MIER1: variants seen among roughly 807,000 people sequenced by gnomAD.
The protein encoded by MIER1 is MIER1 transcriptional regulator.
In MIER1, 40 loss-of-function variants were observed where a neutral mutation model predicts 75.7. That is an observed-to-expected ratio of 0.53 (90% CI 0.41 to 0.69). The LOEUF (loss-of-function observed/expected upper bound fraction) is 0.69. Ranked by LOEUF, MIER1 falls within the 30% of genes least tolerant of loss-of-function variation. MIER1 has a pLI of 0.00. For synonymous variants in MIER1, 213 were observed against 223.4 expected (o/e 0.95, Z 0.42); for missense variants, 574 against 680.2 (o/e 0.84, Z 1.74).
At chr1:66,930,988 C>G (rs1195615894) in intron 2 of MIER1, among the ~76,000 whole-genome samples, 2 of 152,188 alleles carry the variant, frequency 1.3e-5, no homozygotes, top group Non-Finnish European at 2.9e-5. Flanking sequence ...ACAGTTCCAT[C>G]TCCCGCTCCC....
chr1:66,954,940 C>G (rs543839337), intron 4 of MIER1, among the ~76,000 whole-genome samples: 2 of 152,234 alleles, frequency 1.3e-5, no homozygotes, highest in African/African-American at 4.8e-5. Context: ...AACTCCTGAC[C>G]TCAAGTGTTC....
At chr1:66,974,618 G>A (rs1664334922) in intron 11 of MIER1, among the ~76,000 whole-genome samples, 2 of 152,016 alleles carry the variant, frequency 1.3e-5, no homozygotes, top group Non-Finnish European at 2.9e-5. Flanking sequence ...TTGAAACTTA[G>A]AGCCAAGTAA....
intron 2 of MIER1, among the ~76,000 whole-genome samples, chr1:66,934,718 A>G (rs761450985): frequency 5.9e-5 from 9 of 151,842 alleles, no homozygotes; most frequent in Non-Finnish European, 1.0e-4. Flanking sequence ...ATATCATTTT[A>G]CTTCTGAATT....
In MIER1 at chr1:66,984,752, A is replaced by T. The variant is rs767585043; in HGVS notation, c.1550A>T (p.Asn517Ile). 5 of 1,613,962 alleles carry T rather than the reference A, an allele frequency of 3.1e-6. No individual in the cohort carries two copies. The African/African-American group carries it at 6.7e-5, about 22-fold the overall frequency. ...AAACTTGCCCATATGACTGCAAGAA[A>T]TGAAAATGATTTTGATGAAAAAAGT... ...DPKLAHMTAR[N>I]ENDFDEKSER... The change falls in exon 14 of 14, where the codon AAT (asparagine) becomes ATT (isoleucine). Residue 517 changes from asparagine (N) to isoleucine (I), a missense_variant. By Grantham distance (149) the Asn-to-Ile change is moderately radical (BLOSUM62 -3). This residue lies in a region of MIER1 where 164 missense variants were observed against 154.3 expected (regional missense o/e 1.06). Coordinates refer to ENST00000401041, the MANE Select transcript of MIER1 (RefSeq NM_001077700.3).
At chr1:66,948,864 T>C (rs898580681) in intron 4 of MIER1, among the ~76,000 whole-genome samples, 2 of 152,116 alleles carry the variant, frequency 1.3e-5, no homozygotes, top group South Asian at 4.1e-4. Flanking sequence ...GCACTGCTGC[T>C]CTCCAGCCTG....
chr1:66,955,336 G>GTTTTTTTTTTT (rs34006160), intron 4 of MIER1, among the ~76,000 whole-genome samples: 2 of 59,964 alleles, frequency 3.3e-5, no homozygotes, highest in African/African-American at 1.4e-4. Flanking sequence ...CATCACCTGA[G>GTTTTTTTTTTT]TTTTTTTTTT....
At chr1:66,928,744 A>C (rs758116524) in intron 2 of MIER1, 70 of 545,126 alleles carry the variant, frequency 1.3e-4, no homozygotes, top group Middle Eastern at 9.6e-4. Flanking sequence ...TATTCCCCCA[A>C]GGAATCCTGA....
chr1:66,944,134 T>G (rs968460039), intron 3 of MIER1, among the ~76,000 whole-genome samples: 1 of 151,594 alleles, frequency 6.6e-6, no homozygotes, highest in Non-Finnish European at 1.5e-5. Flanking sequence ...TTTTGAAAAT[T>G]ATTGTGAGTA....
Position 66,926,196 on chromosome 1 carries a change from G to C in MIER1, c.122G>C (p.Arg41Thr), listed in dbSNP as rs953262304. The C allele has an allele frequency of 1.9e-6, 3 of 1,613,930 alleles. No individual in the cohort carries two copies. The Admixed American group carries it at 5.0e-5, about 27-fold the overall frequency. Residue 41 changes from arginine to threonine, a missense_variant, in exon 2 of 14, where the codon AGA (arginine) becomes ACA (threonine). Around this residue, in one of 3 missense-constraint regions of MIER1, gnomAD observed 309 missense variants for 352.8 expected, o/e 0.88. Coordinates refer to ENST00000401041, the MANE Select transcript of MIER1 (RefSeq NM_001077700.3). ...CTGGCTGAGTTTCGGACGTGGTTAA[G>C]AACCAACTGGTTGAGGTTCAATGCA... is the stretch of plus-strand genomic sequence containing the variant. ...QCLAEFRTWL[R>T]TNWLRFNADK...
At chr1:66,965,437 A>G (rs1437982105) in intron 8 of MIER1, among the ~76,000 whole-genome samples, 1 of 151,926 alleles carries the variant, frequency 6.6e-6, no homozygotes, top group Non-Finnish European at 1.5e-5. Context: ...ATTGCAGTAT[A>G]CTTTGTTTTT....
intron 8 of MIER1, among the ~76,000 whole-genome samples, chr1:66,966,977 T>C (rs542541120): frequency 6.6e-6 from 1 of 152,314 alleles, no homozygotes; most frequent in South Asian, 2.1e-4. Flanking sequence ...TCTTTGTTGA[T>C]TGTTTCCTTT....
In MIER1 at chr1:66,986,250, C is replaced by G. The variant is rs1157827294; in HGVS notation, c.*1350C>G. 5.2e-6 allele frequency: 7 copies of G among 1,357,672 alleles called. No individual in the cohort carries two copies. The highest frequency in any genetic ancestry group is 6.6e-6 in the Non-Finnish European group (7 of 1,057,538). 84.1% of individuals were successfully genotyped at this position (1,357,672 alleles called of 1,614,324 possible). A position where few individuals can be genotyped will look rare whatever the true frequency, so the allele number is the denominator to read the frequency against. ...CAATAATCATTGCTCTGTGTGATTA[C>G]AGATAGGATTATCCATCTGCATAGC... is the stretch of plus-strand genomic sequence containing the variant. On this transcript the variant is annotated 3_prime_UTR_variant, in exon 14 of 14. Transcript: ENST00000401041.
In MIER1 at chr1:66,986,051, C is replaced by CA. The variant is rs1252348796; in HGVS notation, c.*1152dup. 12 of 1,005,296 alleles carry CA rather than the reference C, an allele frequency of 1.2e-5. No homozygotes were observed. The African/African-American group carries it at 2.1e-4, about 17-fold the overall frequency. The allele number at this position is 1,005,296 out of a possible 1,614,324, so 62.3% of individuals were successfully genotyped here. ...ATTTCCCATTTCTGCATTAAATAAA[C>CA]AGAGGAGGGGGGTCAAGTGATACTT... is the stretch of plus-strand genomic sequence containing the variant. On this transcript the variant is annotated 3_prime_UTR_variant, in exon 14 of 14. Transcript: ENST00000401041.
At chr1:66,928,449 C>T (rs1652339325) in intron 2 of MIER1, among the ~76,000 whole-genome samples, 1 of 152,078 alleles carries the variant, frequency 6.6e-6, no homozygotes, top group South Asian at 2.1e-4. Context: ...CTTTGGTAGC[C>T]AAATTTCATA....
chr1:66,962,630 C>T (rs1661486797), intron 7 of MIER1, among the ~76,000 whole-genome samples: 3 of 152,042 alleles, frequency 2.0e-5, no homozygotes, highest in African/African-American at 7.3e-5. Context: ...TGCAGTGAGC[C>T]ATGATCACTC....
intron 4 of MIER1, among the ~76,000 whole-genome samples, chr1:66,948,976 G>A (rs1165284999): frequency 6.6e-6 from 1 of 152,146 alleles, no homozygotes; most frequent in African/African-American, 2.4e-5. Context: ...CAGAACTATT[G>A]TTTAAAAGTA....
intron 4 of MIER1, among the ~76,000 whole-genome samples, chr1:66,957,796 G>A (rs1233603938): frequency 2.0e-5 from 3 of 152,066 alleles, no homozygotes; most frequent in Non-Finnish European, 4.4e-5. Context: ...AATAGTCCAT[G>A]TTAGACCAAG....
At chr1:66,933,974 A>G (rs561022983) in intron 2 of MIER1, among the ~76,000 whole-genome samples, 8 of 152,314 alleles carry the variant, frequency 5.3e-5, no homozygotes, top group Admixed American at 2.0e-4. Context: ...TGTTCATTCA[A>G]AATTCATTGC....
rs1020863002 is a variant in MIER1, at chr1:66,946,587, C to T, written c.339+292C>T. ...AAATGGACTATAAAAGGATTCTACA[C>T]GGCCTCATATATCCTTTGTCCTTCC... On this transcript the variant is annotated intron_variant, in intron 4 of 13. Transcript: ENST00000401041. 47 of 1,057,044 alleles carry T rather than the reference C, an allele frequency of 4.4e-5. No homozygotes were observed. The South Asian group carries it at 7.7e-4, about 17-fold the overall frequency. The allele number at this position is 1,057,044 out of a possible 1,614,324, so 65.5% of individuals were successfully genotyped here.
Sources: gnomAD v4.1 joint callset for allele counts (sites outside exome capture counted in the v4.1 genomes callset) on GRCh38, gnomAD v4.1.1 for gene constraint, gnomAD v4.1.1 regional missense constraint, MANE v1.5 for transcripts, NCBI Gene and HGNC (gene_info 2026-07-23, HGNC 2026-07-21) for gene names.